PLA2G7: variants seen among roughly 807,000 people sequenced by gnomAD.
The protein encoded by PLA2G7 is phospholipase A2 group VII, also known as platelet-activating factor acetylhydrolase.
A neutral mutation model predicts 49.6 loss-of-function variants in PLA2G7; 63 were observed. That is an observed-to-expected ratio of 1.27 (90% CI 1.04 to 1.57). The LOEUF is 1.57. PLA2G7 is among the 40% of genes most tolerant of loss of function. The pLI is 0.00. For missense variants in PLA2G7, 596 were observed against 521.2 expected, an observed-to-expected ratio of 1.14 and a Z score of -1.40; for synonymous variants, 193 against 169.9, an observed-to-expected ratio of 1.14 and a Z score of -1.06.
chr6:46,708,178 A>G lies in PLA2G7; in HGVS notation c.870-17T>C. On this transcript the variant is annotated splice_polypyrimidine_tract_variant and intron_variant, in intron 9 of 11. Coordinates refer to ENST00000274793, the MANE Select transcript of PLA2G7 (RefSeq NM_005084.4). Reference sequence around the variant, plus strand: ...ATACCACATCTGTAGATATTTGTTGACAATGATGAAATTAAACTGGTTACA... The same window carrying G: ...ATACCACATCTGTAGATATTTGTTGGCAATGATGAAATTAAACTGGTTACA... 6.9e-6 allele frequency: 11 copies of G among 1,599,314 alleles called. No homozygotes were observed. Among genetic ancestry groups the G allele is most frequent in the Non-Finnish European group, 9.4e-6 (11 of 1,166,790 alleles).
Position 46,709,344 on chromosome 6 carries a change from A to G in PLA2G7, c.852T>C (p.Ser284=). The G allele has an allele frequency of 3.1e-6, 5 of 1,595,424 alleles. No homozygotes were observed. The highest frequency in any genetic ancestry group is 4.3e-6 in the Non-Finnish European group (5 of 1,163,474). ...TTTCTTACCTGAATCTCTGATCTTC[A>G]CTAAGAGTCTGAATAACCGTTGCTC... ...FGGATVIQTL[S]EDQRFRCGIA... is the part of the protein sequence containing the mutation. Residue 284 remains serine, a synonymous_variant, in exon 9 of 12, where the codon AGT becomes AGC. Transcript: ENST00000274793.
At chr6:46,734,393 T>G (rs1269452973) in intron 1 of PLA2G7, among the ~76,000 whole-genome samples, 30 of 93,438 alleles carry the variant, frequency 3.2e-4, no homozygotes, top group African/African-American at 5.8e-4. Flanking sequence ...GAGTGAGAGG[T>G]GTGTAGTGGT....
chr6:46,714,400 G>C, intron 5 of PLA2G7, 60 bp downstream of exon 5: 1 of 1,003,536 alleles, frequency 1.0e-6, no homozygotes, highest in Admixed American at 1.7e-5. Flanking sequence ...TTTCTTTCTT[G>C]AATAAAAAAA....
intron 1 of PLA2G7, among the ~76,000 whole-genome samples, chr6:46,730,964 A>T (rs1765718088): frequency 1.3e-5 from 2 of 152,354 alleles, no homozygotes; most frequent in Admixed American, 1.3e-4. Flanking sequence ...AAATTCAGAC[A>T]CACTGACCAA....
At chr6:46,706,885 C>A (rs1351126203) in intron 10 of PLA2G7, among the ~76,000 whole-genome samples, 4 of 152,182 alleles carry the variant, frequency 2.6e-5, no homozygotes, top group Non-Finnish European at 5.9e-5. Context: ...CTTGATCTTA[C>A]AAAATCCAAT....
chr6:46,719,062 A>G (rs2150704060), intron 2 of PLA2G7, among the ~76,000 whole-genome samples: 1 of 152,188 alleles, frequency 6.6e-6, no homozygotes, highest in Middle Eastern at 3.4e-3. Flanking sequence ...TCCTTTCTAA[A>G]CCTCAATCAA....
rs1765020050 is a variant in PLA2G7, at chr6:46,711,510, T to C, written c.649A>G (p.Ile217Val). ...RTLKQEEETH[I>V]RNEQVRQRAK... is the part of the protein sequence containing the mutation. ...CTGCAATGTACCTGCTCATTTCGTATATGTGTCTCCTCCTCTTGTTTCAGG... is the reference window on the plus strand; with the variant it reads ...CTGCAATGTACCTGCTCATTTCGTACATGTGTCTCCTCCTCTTGTTTCAGG... Residue 217 changes from isoleucine (I) to valine (V), a missense_variant, in exon 7 of 12, where the codon ATA (isoleucine) becomes GTA (valine). Physicochemically the swap from Ile to Val is conservative, Grantham distance 29. Coordinates refer to ENST00000274793, the MANE Select transcript of PLA2G7 (RefSeq NM_005084.4). 2 of 1,613,796 alleles carry C rather than the reference T, an allele frequency of 1.2e-6. No individual in the cohort carries two copies. The highest frequency in any genetic ancestry group is 1.7e-6 in the Non-Finnish European group (2 of 1,179,712).
chr6:46,728,071 C>T (rs1488850242), intron 1 of PLA2G7, among the ~76,000 whole-genome samples: 1 of 152,084 alleles, frequency 6.6e-6, no homozygotes, highest in Non-Finnish European at 1.5e-5. Flanking sequence ...CAAATAATAG[C>T]CCAATTCAGT....
chr6:46,704,723 A>G, intron 11 of PLA2G7, 27 bp from the exon 12 acceptor site: 1 of 1,349,316 alleles, frequency 7.4e-7, no homozygotes, highest in Non-Finnish European at 1.1e-6. Flanking sequence ...GTTAATCAAC[A>G]TATTAAACTT....
intron 3 of PLA2G7, 118 bp downstream of exon 3, chr6:46,716,857 A>G: frequency 9.7e-7 from 1 of 1,026,494 alleles, no homozygotes; most frequent in Middle Eastern, 2.2e-4. Flanking sequence ...AAACAATACA[A>G]ATTGCAAAAT....
intron 2 of PLA2G7, 37 bp from the exon 3 acceptor site, chr6:46,717,133 A>G (rs1765235389): frequency 1.3e-6 from 2 of 1,577,070 alleles, no homozygotes; most frequent in Non-Finnish European, 1.7e-6. Flanking sequence ...TTTGTCATCC[A>G]TTACATATCA....
intron 4 of PLA2G7, among the ~76,000 whole-genome samples, chr6:46,715,918 G>T (rs1216905339): frequency 6.6e-6 from 1 of 152,222 alleles, no homozygotes; most frequent in Non-Finnish European, 1.5e-5. Context: ...GATGGGGGTA[G>T]GTGATGGGAA....
rs368946627 is a variant in PLA2G7 at position 46,704,441 on chromosome 6, T to TTCTCTC, written c.*113_*118dup. On this transcript the variant is annotated 3_prime_UTR_variant, in exon 12 of 12. Coordinates refer to ENST00000274793, the MANE Select transcript of PLA2G7 (RefSeq NM_005084.4). ...AGTCCTTTGGGAAAATACATTAAAA[T>TTCTCTC]TCTCTCTCTCTCTCTCTCTCTCTCT... The TTCTCTC allele has an allele frequency of 2.2e-3, 1,188 of 551,950 alleles. 5 individuals carry two copies. Among genetic ancestry groups the TTCTCTC allele is most frequent in the East Asian group, 6.1e-3 (188 of 30,592 alleles). 34.2% of individuals were successfully genotyped at this position (551,950 alleles called of 1,614,324 possible). A position where few individuals can be genotyped will look rare whatever the true frequency, so the allele number is the denominator to read the frequency against.
chr6:46,710,421 G>T, intron 8 of PLA2G7, 124 bp downstream of exon 8: 1 of 701,346 alleles, frequency 1.4e-6, no homozygotes, highest in Non-Finnish European at 2.6e-6. Context: ...CTGTGTGTGC[G>T]CATTGGGGAG....
Position 46,710,563 on chromosome 6 carries a change from A to G in PLA2G7, c.759T>C (p.Phe253=). Residue 253 remains phenylalanine (F), a synonymous_variant, in exon 8 of 12, where the codon TTT becomes TTC. Transcript: ENST00000274793. ...KPVKNALDLK[F]DMEQLKDSID... is the part of the protein sequence containing the mutation. ...AGCTTACCTTCAGTTGTTCCATATC[A>G]AACTTTAAATCTAATGCATTCTTCA... The G allele has an allele frequency of 6.2e-7, 1 of 1,604,550 alleles. No individual in the cohort carries two copies. Among genetic ancestry groups the G allele is most frequent in the Admixed American group, 1.7e-5 (1 of 59,986 alleles).
intron 4 of PLA2G7, among the ~76,000 whole-genome samples, chr6:46,715,272 T>G (rs962601347): frequency 6.6e-6 from 1 of 152,186 alleles, no homozygotes; most frequent in Admixed American, 6.5e-5. Context: ...TCATTATGAT[T>G]TGGTCATAAT....
At chr6:46,711,470 C>T in intron 7 of PLA2G7, 26 bp downstream of exon 7, 1 of 1,612,766 alleles carries the variant, frequency 6.2e-7, no homozygotes, top group South Asian at 1.1e-5. Context: ...AGGTCACCAA[C>T]CACCTCTCCT....
In PLA2G7 at chr6:46,730,835, C is replaced by T. The variant is rs553601170; in HGVS notation, c.-35+4345G>A. Among the ~76,000 whole-genome samples the T allele has an allele frequency of 6.6e-5, 10 of 152,322 alleles. No homozygotes were observed. The South Asian group carries it at 2.1e-3, about 32-fold the overall frequency. ...CCTTTAAGATACCCAAACACCCCCACTCTCCAGCCCTAAGAAAAATATGGT... is the reference window on the plus strand; with the variant it reads ...CCTTTAAGATACCCAAACACCCCCATTCTCCAGCCCTAAGAAAAATATGGT... On this transcript the variant is annotated intron_variant, in intron 1 of 11. Transcript: ENST00000274793.
intron 1 of PLA2G7, among the ~76,000 whole-genome samples, chr6:46,732,327 A>G (rs761775987): frequency 6.7e-6 from 1 of 150,172 alleles, no homozygotes; most frequent in Non-Finnish European, 1.5e-5. Flanking sequence ...TCACAATCCA[A>G]TCCAAGAAGC....
Sources: allele counts gnomAD v4.1 joint callset (sites outside exome capture counted in the v4.1 genomes callset), GRCh38; gene constraint gnomAD v4.1.1; transcripts MANE v1.5; gene names NCBI Gene and HGNC (gene_info 2026-07-23, HGNC 2026-07-21).